PCSK2: variants seen among roughly 807,000 people sequenced by gnomAD.
The protein encoded by PCSK2 is neuroendocrine convertase 2.
A neutral mutation model predicts 69.7 loss-of-function variants in PCSK2; 14 were observed. The ratio of observed to expected loss-of-function variants is 0.20; its 90% confidence interval spans 0.13 to 0.31. PCSK2 has a LOEUF of 0.31. Ranked by LOEUF, PCSK2 falls within the 10% of genes least tolerant of loss-of-function variation. The pLI is 1.00. For synonymous variants in PCSK2, 307 were observed against 320.7 expected (o/e 0.96, Z 0.46); for missense variants, 544 against 842.5 (o/e 0.65, Z 4.39).
chr20:17,279,711 C>T (rs1988230462), intron 2 of PCSK2, among the ~76,000 whole-genome samples: 2 of 148,352 alleles, frequency 1.3e-5, no homozygotes, highest in Non-Finnish European at 1.5e-5. Context: ...GGCCTGAACC[C>T]GGGAGGCAGT....
intron 5 of PCSK2, among the ~76,000 whole-genome samples, chr20:17,400,461 G>T (rs933138379): frequency 7.2e-5 from 11 of 151,816 alleles, no homozygotes; most frequent in African/African-American, 2.4e-4. Context: ...GACAATAAGG[G>T]TATTACCCAC....
intron 1 of PCSK2, among the ~76,000 whole-genome samples, chr20:17,236,669 T>G (rs1986351306): frequency 6.6e-6 from 1 of 152,158 alleles, no homozygotes; most frequent in Non-Finnish European, 1.5e-5. Context: ...TATCAGAACT[T>G]CAATTACAAA....
intron 5 of PCSK2, among the ~76,000 whole-genome samples, chr20:17,404,653 G>A (rs1260537090): frequency 6.6e-6 from 1 of 152,214 alleles, no homozygotes; most frequent in East Asian, 1.9e-4. Flanking sequence ...TTCAGTGGCT[G>A]TAGCCCAGGA....
rs533003994 is a variant in PCSK2 at position 17,428,330 on chromosome 20, C to G, written c.621-1105C>G. On this transcript the variant is annotated intron_variant, in intron 6 of 11. Transcript: ENST00000262545. ...TGATAGGCGGGTTTCATTCTTGTTCCAAAGAGAATTTTGAGGCATGAAATA... is the reference window on the plus strand; with the variant it reads ...TGATAGGCGGGTTTCATTCTTGTTCGAAAGAGAATTTTGAGGCATGAAATA... Among the ~76,000 whole-genome samples the G allele has an allele frequency of 2.0e-5, 3 of 152,160 alleles. No homozygotes were observed. In the East Asian group the frequency reaches 5.8e-4, roughly 30 times the overall value.
intron 11 of PCSK2, among the ~76,000 whole-genome samples, chr20:17,468,689 C>T (rs1422476658): frequency 1.3e-5 from 2 of 150,464 alleles, no homozygotes; most frequent in Non-Finnish European, 3.0e-5. Flanking sequence ...TGTAGACGGG[C>T]AGCCCACCAT....
At chr20:17,456,078 A>G (rs920062379) in intron 9 of PCSK2, among the ~76,000 whole-genome samples, 14 of 152,042 alleles carry the variant, frequency 9.2e-5, no homozygotes, top group Non-Finnish European at 1.9e-4. Flanking sequence ...TGTCTCTACT[A>G]AAATTACAAA....
chr20:17,258,835 C>T (rs945793228), intron 1 of PCSK2, among the ~76,000 whole-genome samples: 4 of 149,948 alleles, frequency 2.7e-5, no homozygotes, highest in Non-Finnish European at 5.9e-5. Context: ...ACTCATTTGA[C>T]TATTAAGGAA....
intron 2 of PCSK2, among the ~76,000 whole-genome samples, chr20:17,277,276 A>G (rs1324732007): frequency 6.6e-6 from 1 of 152,220 alleles, no homozygotes; most frequent in Admixed American, 6.5e-5. Flanking sequence ...TCCTAAGCCA[A>G]AAGAACAAAG....
At chr20:17,267,387 T>C (rs1278693510) in intron 2 of PCSK2, among the ~76,000 whole-genome samples, 1 of 151,948 alleles carries the variant, frequency 6.6e-6, no homozygotes, top group Non-Finnish European at 1.5e-5. Context: ...ATGGGGGAGG[T>C]ATGCATAAGA....
At chr20:17,339,536 C>G (rs1472946808) in intron 2 of PCSK2, among the ~76,000 whole-genome samples, 1 of 152,110 alleles carries the variant, frequency 6.6e-6, no homozygotes, top group East Asian at 1.9e-4. Context: ...TTGAAGGCTT[C>G]TGGAATTTTG....
rs1429460263 is a variant in PCSK2 at position 17,303,530 on chromosome 20, T to A, written c.282+43186T>A. On this transcript the variant is annotated intron_variant, in intron 2 of 11. Transcript: ENST00000262545. ...ATATTATATATAATATAATATATAT[T>A]ATATTATATATAATATGATATAATA... Among the ~76,000 whole-genome samples, 134 of 35,248 alleles carry A rather than the reference T, an allele frequency of 3.8e-3. 1 individual carries two copies. Among genetic ancestry groups the A allele is most frequent in the Middle Eastern group, 0.019 (1 of 54 alleles). 23.1% of individuals were successfully genotyped at this position (35,248 alleles called of 152,430 possible).
chr20:17,356,580 C>G (rs1286133552), intron 2 of PCSK2, among the ~76,000 whole-genome samples: 1 of 152,126 alleles, frequency 6.6e-6, no homozygotes, highest in Non-Finnish European at 1.5e-5. Flanking sequence ...TCATTCTCGA[C>G]CTGGGCCCTG....
At chr20:17,442,577 G>T (rs73102557) in intron 8 of PCSK2, among the ~76,000 whole-genome samples, 38 of 151,990 alleles carry the variant, frequency 2.5e-4, no homozygotes, top group African/African-American at 9.2e-4. Context: ...TCTAGTTCAG[G>T]ACCTTGAGAA....
At chr20:17,379,547 C>T (rs563189097) in intron 5 of PCSK2, among the ~76,000 whole-genome samples, 2 of 152,304 alleles carry the variant, frequency 1.3e-5, no homozygotes, top group African/African-American at 4.8e-5. Flanking sequence ...GGCTAGAGCC[C>T]CATTCTTACC....
At chr20:17,318,580 G>A (rs1989763765) in intron 2 of PCSK2, among the ~76,000 whole-genome samples, 1 of 152,086 alleles carries the variant, frequency 6.6e-6, no homozygotes, top group Non-Finnish European at 1.5e-5. Context: ...GTTTTATTTT[G>A]ACTTAAGTCA....
intron 6 of PCSK2, among the ~76,000 whole-genome samples, chr20:17,414,076 A>G (rs559975207): frequency 6.6e-6 from 1 of 152,350 alleles, no homozygotes; most frequent in South Asian, 2.1e-4. Flanking sequence ...CACAAGAGAA[A>G]GCAGGAAAGA....
chr20:17,261,713 C>G (rs1168135486), intron 2 of PCSK2, among the ~76,000 whole-genome samples: 1 of 152,184 alleles, frequency 6.6e-6, no homozygotes, highest in Non-Finnish European at 1.5e-5. Flanking sequence ...GTCATATGGA[C>G]AGGGATCTTG....
Position 17,227,190 on chromosome 20 carries a change from T to G in PCSK2, c.-116T>G, listed in dbSNP as rs1471468854. 1.5e-6 allele frequency: 1 copy of G among 676,448 alleles called. No homozygotes were observed. The highest frequency in any genetic ancestry group is 2.7e-5 in the East Asian group (1 of 36,732). The allele number at this position is 676,448 out of a possible 1,614,324, so 41.9% of individuals were successfully genotyped here. A position where few individuals can be genotyped will look rare whatever the true frequency, so the allele number is the denominator to read the frequency against. ...AGACCCTGTTCAGTCTCTTTCTCTA[T>G]ACAAAGATTTTTTTAAAAACTATAT... On this transcript the variant is annotated 5_prime_UTR_variant, in exon 1 of 12. Coordinates refer to ENST00000262545, the MANE Select transcript of PCSK2 (RefSeq NM_002594.5).
At chr20:17,357,343 C>T (rs1031565128) in intron 2 of PCSK2, among the ~76,000 whole-genome samples, 1 of 152,194 alleles carries the variant, frequency 6.6e-6, no homozygotes, top group African/African-American at 2.4e-5. Context: ...TAGGACTTTG[C>T]TATGGCATTT....
Sources: allele counts gnomAD v4.1 joint callset (sites outside exome capture counted in the v4.1 genomes callset), GRCh38; gene constraint gnomAD v4.1.1; transcripts MANE v1.5; gene names NCBI Gene and HGNC (gene_info 2026-07-23, HGNC 2026-07-21).